Variants in PCDH7 observed in about 807,000 individuals in gnomAD.
The protein encoded by PCDH7 is protocadherin 7.
PCDH7 carries 17 observed loss-of-function variants against 58.9 expected under a neutral mutation model. That is an observed-to-expected ratio of 0.29 (90% CI 0.20 to 0.43). The LOEUF (loss-of-function observed/expected upper bound fraction) is 0.43, where lower values mean the gene tolerates loss of function less well. PCDH7 is among the 20% of genes least tolerant of loss of function. The pLI, the probability that PCDH7 is intolerant of heterozygous loss-of-function variation, is 1.00. For synonymous variants in PCDH7, 664 were observed against 616.4 expected, an observed-to-expected ratio of 1.08 and a Z score of -1.14; for missense variants, 1,274 against 1,441.0, an observed-to-expected ratio of 0.88 and a Z score of 1.88.
At chr4:31,052,612 T>C (rs1486213005) in intron 3 of PCDH7, among the ~76,000 whole-genome samples, 1 of 152,128 alleles carries the variant, frequency 6.6e-6, no homozygotes, top group Non-Finnish European at 1.5e-5. Flanking sequence ...AATAAAAATA[T>C]AGTAAGTGAC....
chr4:30,721,296 C>G lies in PCDH7; in HGVS notation c.-127C>G. On this transcript the variant is annotated 5_prime_UTR_variant, in exon 1 of 2. Coordinates refer to ENST00000361762, the Ensembl canonical transcript of PCDH7. This position sits in a 1 kb window ranked among gnomAD's most constrained non-coding sequence, Gnocchi z 6.7. ...GCCGCTTTTGCCCCCTCCCTCCCCT[C>G]CCTCTCGCTCCTTCCTTTCCGGGAG... 1.0e-6 allele frequency: 1 copy of G among 972,568 alleles called. No individual in the cohort carries two copies. Among genetic ancestry groups the G allele is most frequent in the Non-Finnish European group, 1.5e-6 (1 of 689,592 alleles). The allele number at this position is 972,568 out of a possible 1,614,324, so 60.2% of individuals were successfully genotyped here.
intron 1 of PCDH7, chr4:30,725,374 A>G (rs1164547648): frequency 1.4e-6 from 1 of 722,366 alleles, no homozygotes; most frequent in Non-Finnish European, 1.7e-6. Flanking sequence ...TGATTGATGT[A>G]CTGTGTGCAA....
chr4:30,960,735 C>T (rs1026031076), intron 3 of PCDH7, among the ~76,000 whole-genome samples: 5 of 152,138 alleles, frequency 3.3e-5, no homozygotes, highest in African/African-American at 1.2e-4. Flanking sequence ...TCAATTCTAG[C>T]TGTTAAGAAG....
At chr4:30,931,752 G>A (rs1326818527) in intron 2 of PCDH7, among the ~76,000 whole-genome samples, 2 of 151,448 alleles carry the variant, frequency 1.3e-5, no homozygotes, top group African/African-American at 2.4e-5. Flanking sequence ...ATCAGAGGCC[G>A]GGGCATAGTG....
At chr4:31,140,668 C>T (rs1720143604) in intron 3 of PCDH7, among the ~76,000 whole-genome samples, 1 of 147,360 alleles carries the variant, frequency 6.8e-6, no homozygotes. Flanking sequence ...TCTCAAAGAA[C>T]TTGCAGTTTG....
intron 3 of PCDH7, among the ~76,000 whole-genome samples, chr4:31,041,717 T>C (rs1296302914): frequency 6.6e-6 from 1 of 152,152 alleles, no homozygotes; most frequent in Non-Finnish European, 1.5e-5. Context: ...GCTGTTGCAA[T>C]TTGTTTATGT....
intron 1 of PCDH7, among the ~76,000 whole-genome samples, chr4:30,775,015 T>G (rs990342788): frequency 5.9e-5 from 9 of 152,306 alleles, no homozygotes; most frequent in Admixed American, 5.9e-4. Context: ...GAATTTAACT[T>G]GAATGGAATC....
At chr4:31,131,577 C>G (rs1053278921) in intron 3 of PCDH7, among the ~76,000 whole-genome samples, 11 of 151,860 alleles carry the variant, frequency 7.2e-5, no homozygotes, top group Non-Finnish European at 1.6e-4. Context: ...CATCCCTTAA[C>G]AGTATTTCAG....
intron 3 of PCDH7, among the ~76,000 whole-genome samples, chr4:31,077,612 T>G (rs1376920627): frequency 6.6e-6 from 1 of 152,108 alleles, no homozygotes. Flanking sequence ...CCCCACTTCA[T>G]GTTTATGAGA....
chr4:30,734,319 G>A (rs1715939897), downstream of PCDH7, among the ~76,000 whole-genome samples: 1 of 150,718 alleles, frequency 6.6e-6, no homozygotes, highest in South Asian at 2.1e-4. Flanking sequence ...TGCAACCTCT[G>A]CCTCCCACGT....
At chr4:30,962,783 A>C (rs796165019) in intron 3 of PCDH7, among the ~76,000 whole-genome samples, 20 of 150,212 alleles carry the variant, frequency 1.3e-4, no homozygotes, top group African/African-American at 4.4e-4. Context: ...TCTTAAAAAA[A>C]AAAAAAAAAA....
At chr4:30,978,322 A>G (rs1438103862) in intron 3 of PCDH7, among the ~76,000 whole-genome samples, 6 of 152,162 alleles carry the variant, frequency 3.9e-5, no homozygotes, top group Admixed American at 2.6e-4. Context: ...AAAAATCATG[A>G]TTATGTCAGT....
At chr4:31,086,034 A>G (rs1057305533) in intron 3 of PCDH7, among the ~76,000 whole-genome samples, 17 of 152,160 alleles carry the variant, frequency 1.1e-4, no homozygotes, top group African/African-American at 4.1e-4. Context: ...TCAGCTAGGA[A>G]AGGATCAGGA....
chr4:30,940,648 C>T (rs1426796723), intron 2 of PCDH7, among the ~76,000 whole-genome samples: 2 of 151,836 alleles, frequency 1.3e-5, no homozygotes, highest in Admixed American at 6.6e-5. Flanking sequence ...TCCCTTCAAC[C>T]AGGAAATGTA....
chr4:30,896,714 A>G (rs1390966878), intron 1 of PCDH7, among the ~76,000 whole-genome samples: 1 of 151,844 alleles, frequency 6.6e-6, no homozygotes, highest in Admixed American at 6.6e-5. Context: ...AATATTTACT[A>G]TATCTTGTAC....
intron 3 of PCDH7, among the ~76,000 whole-genome samples, chr4:31,094,745 C>A (rs370210833): frequency 6.6e-6 from 1 of 152,106 alleles, no homozygotes. Flanking sequence ...TACAGTTTAG[C>A]TGAAGTCTGC....
chr4:30,743,771 A>G (rs1717400902), intron 1 of PCDH7, among the ~76,000 whole-genome samples: 1 of 151,934 alleles, frequency 6.6e-6, no homozygotes, highest in African/African-American at 2.4e-5. Context: ...AGCTCAAACT[A>G]CTTTATGTTT....
At chr4:31,083,763 T>A (rs66472059) in intron 3 of PCDH7, among the ~76,000 whole-genome samples, 36,283 of 152,118 alleles carry the variant, frequency 0.24, 4,601 homozygotes, top group Admixed American at 0.32. Context: ...CTTGACCTTG[T>A]CAAAGCAGTC....
At chr4:30,879,209 C>T (rs951955297) in intron 1 of PCDH7, among the ~76,000 whole-genome samples, 1 of 151,640 alleles carries the variant, frequency 6.6e-6, no homozygotes, top group Non-Finnish European at 1.5e-5. Context: ...CTCCATCTTC[C>T]CTCCCTCTCT....
Sources: gnomAD v4.1 joint callset for allele counts (sites outside exome capture counted in the v4.1 genomes callset) on GRCh38, gnomAD v4.1.1 for gene constraint, Gnocchi (gnomAD v3.1) non-coding constraint, MANE v1.5 for transcripts, NCBI Gene and HGNC (gene_info 2026-07-23, HGNC 2026-07-21) for gene names.